QRFPR: variants seen among roughly 807,000 people sequenced by gnomAD.
The protein encoded by QRFPR is pyroglutamylated RFamide peptide receptor.
In QRFPR, 37 loss-of-function variants were observed where a neutral mutation model predicts 31.3. That is an observed-to-expected ratio of 1.18 (90% confidence interval 0.91 to 1.56). The LOEUF is 1.56. Among genes scored for constraint, QRFPR ranks in the 40% most tolerant of loss-of-function variants. The pLI is 0.00. For synonymous variants in QRFPR, 197 were observed against 192.0 expected, an observed-to-expected ratio of 1.03 and a Z score of -0.22; for missense variants, 542 against 532.5, an observed-to-expected ratio of 1.02 and a Z score of -0.18.
intron 1 of QRFPR, among the ~76,000 whole-genome samples, chr4:121,343,773 T>G (rs766824226): frequency 1.4e-4 from 21 of 152,186 alleles, no homozygotes; most frequent in Non-Finnish European, 2.8e-4. Flanking sequence ...AATACAACTA[T>G]CCAAACAAAA....
chr4:121,369,611 C>T lies in QRFPR; in HGVS notation c.340+10697G>A, dbSNP rs1726194734. On this transcript the variant is annotated intron_variant, in intron 1 of 5. Coordinates refer to ENST00000394427, the MANE Select transcript of QRFPR (RefSeq NM_198179.3). Reference sequence around the variant, plus strand: ...TTCCATTGGAGAGGGCTTCTGGGCTCCTCGGTAGGCCTGGGTGGCAAAACT... The same window carrying T: ...TTCCATTGGAGAGGGCTTCTGGGCTTCTCGGTAGGCCTGGGTGGCAAAACT... The T allele has an allele frequency of 8.7e-6, 14 of 1,610,782 alleles. No individual in the cohort carries two copies. In the South Asian group the frequency reaches 1.5e-4, roughly 18 times the overall value.
intron 1 of QRFPR, among the ~76,000 whole-genome samples, chr4:121,356,261 T>TA (rs970164681): frequency 2.6e-5 from 4 of 152,186 alleles, no homozygotes; most frequent in African/African-American, 9.6e-5. Context: ...GCTTAATTTT[T>TA]AAAAAATTAT....
chr4:121,378,465 T>C (rs1726401103), intron 1 of QRFPR, among the ~76,000 whole-genome samples: 1 of 140,970 alleles, frequency 7.1e-6, no homozygotes, highest in Non-Finnish European at 1.5e-5. Context: ...CAGGTTGGAG[T>C]GCAGTAGCGT....
In QRFPR at chr4:121,380,583, C is replaced by A. The variant is rs148730428; in HGVS notation, c.65G>T (p.Arg22Leu). 6.2e-7 allele frequency: 1 copy of A among 1,606,800 alleles called. No homozygotes were observed. The highest frequency in any genetic ancestry group is 2.2e-5 in the East Asian group (1 of 44,558). The part of the protein sequence containing the change: ...SRLLRDHNLT[R>L]EQFIALYRLR... ...CCGGTACAGAGCGATGAACTGCTCCCGCGTCAGGTTGTGGTCCCGCAGCAG... is the reference window on the plus strand; with the variant it reads ...CCGGTACAGAGCGATGAACTGCTCCAGCGTCAGGTTGTGGTCCCGCAGCAG... Residue 22 changes from arginine (R) to leucine (L), a missense_variant, in exon 1 of 6, where the codon CGG becomes CTG. Arg to Leu is a moderately radical substitution (Grantham distance 102, BLOSUM62 -2). Coordinates refer to ENST00000394427, the MANE Select transcript of QRFPR (RefSeq NM_198179.3).
chr4:121,365,472 A>G (rs1348741991), intron 1 of QRFPR, among the ~76,000 whole-genome samples: 1 of 84,092 alleles, frequency 1.2e-5, no homozygotes, highest in Non-Finnish European at 2.2e-5. Context: ...TAATAAATAA[A>G]TTAATTAATT....
intron 1 of QRFPR, among the ~76,000 whole-genome samples, chr4:121,361,568 A>G (rs1725992337): frequency 6.7e-6 from 1 of 150,182 alleles, no homozygotes; most frequent in South Asian, 2.1e-4. Context: ...TTTATTGAAC[A>G]TATGGACCAC....
In QRFPR at chr4:121,376,449, A is replaced by C. The variant is rs1162478125; in HGVS notation, c.340+3859T>G. Among the ~76,000 whole-genome samples, 3 of 152,076 alleles carry C rather than the reference A, an allele frequency of 2.0e-5. No individual in the cohort carries two copies. In the East Asian group the frequency reaches 5.8e-4, roughly 29 times the overall value. The stretch of plus-strand genomic sequence containing the variant: ...CATGTTTGTGGCTACACTTTGCCTC[A>C]CCTATTATTCATGGTCCCAGCAGTG... On this transcript the variant is annotated intron_variant, in intron 1 of 5. Coordinates refer to ENST00000394427, the MANE Select transcript of QRFPR (RefSeq NM_198179.3).
intron 1 of QRFPR, among the ~76,000 whole-genome samples, chr4:121,360,593 C>T (rs1009436526): frequency 6.6e-5 from 10 of 152,112 alleles, no homozygotes; most frequent in Admixed American, 5.2e-4. Flanking sequence ...AAAATTTTTA[C>T]TACAGTAATG....
intron 1 of QRFPR, among the ~76,000 whole-genome samples, chr4:121,343,422 T>C (rs1031629220): frequency 6.6e-6 from 1 of 152,224 alleles, no homozygotes; most frequent in Non-Finnish European, 1.5e-5. Context: ...TCACTTCTAT[T>C]CCTTGTTACA....
At chr4:121,345,795 C>T (rs546460899) in intron 1 of QRFPR, among the ~76,000 whole-genome samples, 1 of 152,288 alleles carries the variant, frequency 6.6e-6, no homozygotes, top group East Asian at 1.9e-4. Context: ...ATCCACTCAG[C>T]CACCACCACA....
chr4:121,332,904 A>T lies in QRFPR; in HGVS notation c.714T>A (p.Gly238=), dbSNP rs1354874578. The part of the protein sequence containing the change: ...MVMLILYSKI[G]YELWIKKRVG... ...CTCTTTTCTTTATCCAAAGTTCATA[A>T]CCAATTTTACTGTACAGAATAAGCA... The change falls in exon 4 of 6, where the codon GGT becomes GGA. Residue 238 remains glycine, a synonymous_variant. Transcript: ENST00000394427. 2 of 1,614,038 alleles carry T rather than the reference A, an allele frequency of 1.2e-6. No individual in the cohort carries two copies. The highest frequency in any genetic ancestry group is 1.7e-6 in the Non-Finnish European group (2 of 1,180,018).
chr4:121,332,590 G>T (rs1378580091), intron 4 of QRFPR, among the ~76,000 whole-genome samples: 1 of 152,152 alleles, frequency 6.6e-6, no homozygotes, highest in Non-Finnish European at 1.5e-5. Context: ...TTCCAAGTCA[G>T]TTTCTACCTA....
At chr4:121,337,673 T>C (rs1725460238) in intron 2 of QRFPR, among the ~76,000 whole-genome samples, 1 of 136,220 alleles carries the variant, frequency 7.3e-6, no homozygotes, top group Admixed American at 7.4e-5. Flanking sequence ...TATACATATG[T>C]AACAAACCTG....
At chr4:121,348,862 C>A (rs868126701) in intron 1 of QRFPR, among the ~76,000 whole-genome samples, 4 of 152,142 alleles carry the variant, frequency 2.6e-5, no homozygotes, top group African/African-American at 7.2e-5. Context: ...CTTTGGGAGG[C>A]CGAGGCGGGC....
intron 1 of QRFPR, among the ~76,000 whole-genome samples, chr4:121,348,980 C>T (rs1304855491): frequency 2.6e-5 from 4 of 152,098 alleles, no homozygotes; most frequent in Admixed American, 2.6e-4. Context: ...GACTGTAGTC[C>T]CAGCTACTCG....
At chr4:121,379,396 A>G (rs1056290262) in intron 1 of QRFPR, among the ~76,000 whole-genome samples, 2 of 152,208 alleles carry the variant, frequency 1.3e-5, no homozygotes, top group African/African-American at 4.8e-5. Context: ...ATTTCTAACC[A>G]TTTTGATGTG....
rs4312778 is a variant in QRFPR, at chr4:121,329,117, C to G, written c.*197G>C. Reference sequence around the variant, plus strand: ...TGGGAATGAGAAGGAACACAGAAATCTGTTAAATGATTGTGATCAATTGGT... The same window carrying G: ...TGGGAATGAGAAGGAACACAGAAATGTGTTAAATGATTGTGATCAATTGGT... On this transcript the variant is annotated 3_prime_UTR_variant, in exon 6 of 6. Transcript: ENST00000394427. 152,187 of 482,768 alleles carry G rather than the reference C, an allele frequency of 0.32. 25,781 individuals carry two copies. Among genetic ancestry groups the G allele is most frequent in the Middle Eastern group, 0.41 (749 of 1,840 alleles). 29.9% of individuals were successfully genotyped at this position (482,768 alleles called of 1,614,324 possible). A position where few individuals can be genotyped will look rare whatever the true frequency, so the allele number is the denominator to read the frequency against.
intron 1 of QRFPR, among the ~76,000 whole-genome samples, chr4:121,355,977 A>G (rs1421387564): frequency 6.6e-6 from 1 of 152,144 alleles, no homozygotes; most frequent in African/African-American, 2.4e-5. Flanking sequence ...TTGTGGCCCA[A>G]CATATGTCAT....
intron 1 of QRFPR, among the ~76,000 whole-genome samples, chr4:121,371,829 T>C (rs1726253542): frequency 6.6e-6 from 1 of 152,212 alleles, no homozygotes; most frequent in South Asian, 2.1e-4. Flanking sequence ...CAAGTGTCAC[T>C]ACTACAGTTG....
Sources: gnomAD v4.1 joint callset for allele counts (sites outside exome capture counted in the v4.1 genomes callset) on GRCh38, gnomAD v4.1.1 for gene constraint, MANE v1.5 for transcripts, NCBI Gene and HGNC (gene_info 2026-07-23, HGNC 2026-07-21) for gene names.